Variants in SLC25A13 observed in about 807,000 individuals in gnomAD.
SLC25A13 encodes solute carrier family 25 member 13.
Under a neutral mutation model 85.5 loss-of-function variants are expected in SLC25A13, and 70 were observed. The observed-to-expected ratio is 0.82, with a 90% confidence interval of 0.68 to 1.00. The LOEUF (loss-of-function observed/expected upper bound fraction) is 1.00, where lower values mean the gene tolerates loss of function less well. SLC25A13 is among the 50% of genes least tolerant of loss of function. The pLI, the probability that SLC25A13 is intolerant of heterozygous loss-of-function variation, is 0.00. For synonymous variants in SLC25A13, 259 were observed against 288.7 expected, an observed-to-expected ratio of 0.90 and a Z score of 1.04; for missense variants, 765 against 819.8, an observed-to-expected ratio of 0.93 and a Z score of 0.82.
At chr7:96,172,543 C>T (rs944390976) in intron 11 of SLC25A13, among the ~76,000 whole-genome samples, 6 of 150,894 alleles carry the variant, frequency 4.0e-5, no homozygotes, top group East Asian at 4.0e-4. Flanking sequence ...GGCAATGGAG[C>T]GAGACTCTGC....
intron 15 of SLC25A13, among the ~76,000 whole-genome samples, chr7:96,125,448 T>A (rs1201597925): frequency 6.6e-6 from 1 of 152,104 alleles, no homozygotes; most frequent in Non-Finnish European, 1.5e-5. Flanking sequence ...AAGCTTTGAG[T>A]CCTTGCATGT....
intron 3 of SLC25A13, among the ~76,000 whole-genome samples, chr7:96,250,046 G>A (rs1797354813): frequency 6.6e-6 from 1 of 152,038 alleles, no homozygotes; most frequent in Admixed American, 6.5e-5. Context: ...AGCCAGGTGT[G>A]GTGACACACG....
Position 96,296,955 on chromosome 7 carries a change from T to A in SLC25A13, c.16-4A>T. 1.2e-6 allele frequency: 2 copies of A among 1,611,308 alleles called. No homozygotes were observed. Among genetic ancestry groups the A allele is most frequent in the African/African-American group, 1.3e-5 (1 of 74,960 alleles). ...CTGCTCTCTTGGTTAAAGCCACCTATAAATAAACATAAAAATGTTTATGTT... is the reference window on the plus strand; with the variant it reads ...CTGCTCTCTTGGTTAAAGCCACCTAAAAATAAACATAAAAATGTTTATGTT... On this transcript the variant is annotated splice_region_variant and splice_polypyrimidine_tract_variant and intron_variant, in intron 1 of 17. Coordinates refer to ENST00000265631, the MANE Select transcript of SLC25A13 (RefSeq NM_014251.3).
chr7:96,322,054 T>C lies in SLC25A13; in HGVS notation c.-98A>G, dbSNP rs961345892. ...CTTCTAGTCCCGGCGGCGGCGGCGG[T>C]GGGGGCGGCGATACGGCCAGGCAGC... is the stretch of plus-strand genomic sequence containing the variant. On this transcript the variant is annotated 5_prime_UTR_variant, in exon 1 of 18. Transcript: ENST00000265631. 31 of 1,453,884 alleles carry C rather than the reference T, an allele frequency of 2.1e-5. No individual in the cohort carries two copies. The highest frequency in any genetic ancestry group is 1.6e-4 in the South Asian group (13 of 79,434). 90.1% of individuals were successfully genotyped at this position (1,453,884 alleles called of 1,614,324 possible).
chr7:96,314,521 C>T (rs1800062367), intron 1 of SLC25A13, among the ~76,000 whole-genome samples: 1 of 152,086 alleles, frequency 6.6e-6, no homozygotes, highest in Non-Finnish European at 1.5e-5. Context: ...CATGTCTCAG[C>T]GTCACACATT....
At chr7:96,129,976 ATTATC>A (rs1211305572) in intron 15 of SLC25A13, among the ~76,000 whole-genome samples, 1 of 152,246 alleles carries the variant, frequency 6.6e-6, no homozygotes, top group Non-Finnish European at 1.5e-5. Context: ...TTAAATAGCA[ATTATC>A]TTAGAGTAGT....
chr7:96,252,240 T>C (rs1470443875), intron 3 of SLC25A13, among the ~76,000 whole-genome samples: 1 of 152,078 alleles, frequency 6.6e-6, no homozygotes, highest in Admixed American at 6.6e-5. Context: ...TTCCAAGAAA[T>C]TGGGCAGAGG....
chr7:96,278,233 C>G (rs1798533692), intron 2 of SLC25A13, among the ~76,000 whole-genome samples: 1 of 152,076 alleles, frequency 6.6e-6, no homozygotes, highest in South Asian at 2.1e-4. Flanking sequence ...GGGGACAAAG[C>G]AGTGGTTTGG....
At chr7:96,206,437 C>T (rs1032375830) in intron 5 of SLC25A13, among the ~76,000 whole-genome samples, 4 of 152,188 alleles carry the variant, frequency 2.6e-5, no homozygotes, top group African/African-American at 9.7e-5. Context: ...GCTCTACCTA[C>T]ATTCAGAAAA....
At position 96,296,908 on chromosome 7, in the gene SLC25A13, A is replaced by G; in HGVS notation, c.59T>C (p.Ile20Thr). The change falls in exon 2 of 18, where the codon ATA becomes ACA. Residue 20 changes from isoleucine (I) to threonine (T), a missense_variant. Physicochemically the swap from Ile to Thr is moderately conservative, Grantham distance 89. Transcript: ENST00000265631. Reference protein sequence around the residue: ...KRADPAELRTIFLKYASIEKN... With the variant: ...KRADPAELRTTFLKYASIEKN... The stretch of plus-strand genomic sequence containing the variant: ...TTCCTTTATACTGACCTTCAAAAAT[A>G]TTGTTCTAAGCTCAGCTGGATCTGC... 4 of 1,613,488 alleles carry G rather than the reference A, an allele frequency of 2.5e-6. No individual in the cohort carries two copies. Among genetic ancestry groups the G allele is most frequent in the Non-Finnish European group, 3.4e-6 (4 of 1,179,478 alleles).
chr7:96,183,342 T>C (rs568549207), intron 11 of SLC25A13, among the ~76,000 whole-genome samples: 1 of 152,258 alleles, frequency 6.6e-6, no homozygotes, highest in East Asian at 1.9e-4. Context: ...AGTCAGCAGA[T>C]GGCAGAAGAG....
intron 1 of SLC25A13, among the ~76,000 whole-genome samples, chr7:96,308,105 A>T (rs1799821954): frequency 2.0e-5 from 3 of 150,084 alleles, no homozygotes; most frequent in African/African-American, 7.4e-5. Flanking sequence ...GTGAGCCAAG[A>T]TCGTGCCACT....
chr7:96,178,716 T>G (rs1794316146), intron 11 of SLC25A13, among the ~76,000 whole-genome samples: 1 of 152,196 alleles, frequency 6.6e-6, no homozygotes, highest in Non-Finnish European at 1.5e-5. Flanking sequence ...CCTTAGAGCT[T>G]TTTATTCCTG....
intron 1 of SLC25A13, among the ~76,000 whole-genome samples, chr7:96,319,144 C>T (rs1037070191): frequency 3.3e-5 from 5 of 152,178 alleles, no homozygotes; most frequent in African/African-American, 1.2e-4. Flanking sequence ...ATTTACTGCA[C>T]TGCCATTGAG....
Position 96,321,929 on chromosome 7 carries a change from G to T in SLC25A13, c.15+13C>A. Reference sequence around the variant, plus strand: ...GGCAGGCGCGCTCCCCCCGGCCTCGGGCCCGCGGTTACCTTGGCGGCCGCC... The same window carrying T: ...GGCAGGCGCGCTCCCCCCGGCCTCGTGCCCGCGGTTACCTTGGCGGCCGCC... On this transcript the variant is annotated intron_variant, in intron 1 of 17. Coordinates refer to ENST00000265631, the MANE Select transcript of SLC25A13 (RefSeq NM_014251.3). The T allele has an allele frequency of 6.5e-7, 1 of 1,534,150 alleles. No individual in the cohort carries two copies.
Position 96,322,022 on chromosome 7 carries a change from C to T in SLC25A13, c.-66G>A, listed in dbSNP as rs1414221780. 6.5e-7 allele frequency: 1 copy of T among 1,527,844 alleles called. No homozygotes were observed. The highest frequency in any genetic ancestry group is 8.8e-7 in the Non-Finnish European group (1 of 1,137,394). 94.6% of individuals were successfully genotyped at this position (1,527,844 alleles called of 1,614,324 possible). A position where few individuals can be genotyped will look rare whatever the true frequency, so the allele number is the denominator to read the frequency against. Reference sequence around the variant, plus strand: ...GGCTGGCTGGCGTTTGGGACCCGGGCGGCTCACTTCTAGTCCCGGCGGCGG... The same window carrying T: ...GGCTGGCTGGCGTTTGGGACCCGGGTGGCTCACTTCTAGTCCCGGCGGCGG... On this transcript the variant is annotated 5_prime_UTR_variant, in exon 1 of 18. Transcript: ENST00000265631.
Position 96,322,066 on chromosome 7 carries a change from T to G in SLC25A13, c.-110A>C. 1 of 1,427,424 alleles carries G rather than the reference T, an allele frequency of 7.0e-7. No individual in the cohort carries two copies. Among genetic ancestry groups the G allele is most frequent in the African/African-American group, 1.5e-5 (1 of 67,588 alleles). 88.4% of individuals were successfully genotyped at this position (1,427,424 alleles called of 1,614,324 possible). The stretch of plus-strand genomic sequence containing the variant: ...GCGGCGGCGGCGGTGGGGGCGGCGA[T>G]ACGGCCAGGCAGCGTGCGTTCCTGG... On this transcript the variant is annotated 5_prime_UTR_variant, in exon 1 of 18. Coordinates refer to ENST00000265631, the MANE Select transcript of SLC25A13 (RefSeq NM_014251.3).
At chr7:96,313,389 A>G (rs140647471) in intron 1 of SLC25A13, among the ~76,000 whole-genome samples, 2 of 152,346 alleles carry the variant, frequency 1.3e-5, no homozygotes, top group African/African-American at 4.8e-5. Flanking sequence ...TGAATTGCAT[A>G]AAGAAAATGT....
At chr7:96,216,127 G>T (rs1204870250) in intron 4 of SLC25A13, among the ~76,000 whole-genome samples, 1 of 151,354 alleles carries the variant, frequency 6.6e-6, no homozygotes, top group Non-Finnish European at 1.5e-5. Context: ...TTCCATTCCA[G>T]CCTGGGCGAC....
Sources: allele counts gnomAD v4.1 joint callset (sites outside exome capture counted in the v4.1 genomes callset), GRCh38; gene constraint gnomAD v4.1.1; transcripts MANE v1.5; gene names NCBI Gene and HGNC (gene_info 2026-07-23, HGNC 2026-07-21).